Variants in NELL2 observed in about 807,000 individuals in gnomAD.
NELL2 encodes neural EGFL like 2, also known as protein kinase C-binding protein NELL2.
In NELL2, 41 loss-of-function variants were observed where a neutral mutation model predicts 109.6. The observed-to-expected ratio is 0.37, with a 90% CI of 0.29 to 0.49. The LOEUF (loss-of-function observed/expected upper bound fraction) is 0.49. NELL2 is among the 20% of genes least tolerant of loss of function. NELL2 has a pLI of 0.98. For synonymous variants in NELL2, 355 were observed against 344.7 expected (o/e 1.03, Z -0.33); for missense variants, 900 against 1,008.3 (o/e 0.89, Z 1.45).
At chr12:44,775,929 T>C in intron 8 of NELL2, 93 bp downstream of exon 8, 2 of 1,429,776 alleles carry the variant, frequency 1.4e-6, no homozygotes, top group Non-Finnish European at 1.9e-6. Flanking sequence ...AGGAAATGGG[T>C]CTTGAAATTT....
intron 9 of NELL2, among the ~76,000 whole-genome samples, chr12:44,737,835 A>G (rs1592429474): frequency 1.3e-5 from 2 of 152,182 alleles, no homozygotes; most frequent in South Asian, 4.1e-4. Context: ...TAAGGCCCTC[A>G]TGATCTAATT....
intron 11 of NELL2, among the ~76,000 whole-genome samples, chr12:44,705,501 G>C (rs1937823741): frequency 1.3e-5 from 2 of 152,078 alleles, no homozygotes; most frequent in Admixed American, 1.3e-4. Flanking sequence ...TTCTTAAGAA[G>C]AGCAAAAGTT....
rs199998135 is a variant in NELL2 at position 44,806,765 on chromosome 12, A to G, written c.335+9221T>C. ...TGCATTTGCATTTTTAAATGCATAC[A>G]TTAAAAAACTACAATATGAAAATCA... On this transcript the variant is annotated intron_variant, in intron 3 of 19. Coordinates refer to ENST00000429094, the MANE Select transcript of NELL2 (RefSeq NM_001145108.2). Among the ~76,000 whole-genome samples, 24 of 151,996 alleles carry G rather than the reference A, an allele frequency of 1.6e-4. No homozygotes were observed. In the East Asian group the frequency reaches 4.2e-3, roughly 27 times the overall value.
chr12:44,749,370 T>C (rs1940543527), intron 9 of NELL2, among the ~76,000 whole-genome samples: 1 of 152,182 alleles, frequency 6.6e-6, no homozygotes, highest in Non-Finnish European at 1.5e-5. Flanking sequence ...TGCAAATTTT[T>C]GTCACTACCT....
intron 13 of NELL2, among the ~76,000 whole-genome samples, chr12:44,631,735 A>C (rs1274804519): frequency 6.6e-6 from 1 of 152,144 alleles, no homozygotes; most frequent in African/African-American, 2.4e-5. Context: ...AATGATGAAT[A>C]GGTTAGTAAA....
rs543805478 is a variant in NELL2 at position 44,717,406 on chromosome 12, C to T, written c.995-2665G>A. The stretch of plus-strand genomic sequence containing the variant: ...TCTCCTAGGTACTGGAATTCAAAGA[C>T]GAATTTAATGTGCTTCATGCCTCAA... On this transcript the variant is annotated intron_variant, in intron 9 of 19. Transcript: ENST00000429094. Among the ~76,000 whole-genome samples the T allele has an allele frequency of 3.1e-4, 47 of 152,202 alleles. No individual in the cohort carries two copies. The South Asian group carries it at 4.4e-3, about 14-fold the overall frequency.
intron 3 of NELL2, among the ~76,000 whole-genome samples, chr12:44,799,428 T>A (rs1942753379): frequency 6.6e-6 from 1 of 152,054 alleles, no homozygotes; most frequent in Non-Finnish European, 1.5e-5. Flanking sequence ...ACTCAAAGGA[T>A]GTTAATGATA....
Position 44,630,555 on chromosome 12 carries a change from G to A in NELL2, c.1445-19585C>T, listed in dbSNP as rs562482367. The stretch of plus-strand genomic sequence containing the variant: ...CAGCCACATGGCCACACTGTGGATC[G>A]AATTAACAGAAGGCACTTTCCATAT... On this transcript the variant is annotated intron_variant, in intron 13 of 19. Coordinates refer to ENST00000429094, the MANE Select transcript of NELL2 (RefSeq NM_001145108.2). 1.2e-3 allele frequency among the ~76,000 whole-genome samples: 177 copies of A among 152,242 alleles called. 1 individual carries two copies. Among genetic ancestry groups the A allele is most frequent in the African/African-American group, 4.2e-3 (175 of 41,556 alleles).
intron 12 of NELL2, among the ~76,000 whole-genome samples, chr12:44,696,629 T>C (rs1290419140): frequency 6.6e-6 from 1 of 152,186 alleles, no homozygotes; most frequent in East Asian, 1.9e-4. Flanking sequence ...ACTCAATCCC[T>C]TTTTAGCTAC....
intron 3 of NELL2, among the ~76,000 whole-genome samples, chr12:44,793,225 TAAATTATTTAGA>T (rs1363449804): frequency 6.6e-6 from 1 of 152,154 alleles, no homozygotes; most frequent in Non-Finnish European, 1.5e-5. Flanking sequence ...GTCGAGAATA[TAAATTATTTAGA>T]AACTACAAAG....
chr12:44,550,813 A>C (rs540570813), intron 15 of NELL2, among the ~76,000 whole-genome samples: 118 of 152,298 alleles, frequency 7.7e-4, no homozygotes, highest in African/African-American at 2.8e-3. Flanking sequence ...AGTCTAAAAC[A>C]GCCAAACTCA....
At chr12:44,647,664 T>C (rs1468821853) in intron 13 of NELL2, among the ~76,000 whole-genome samples, 2 of 152,158 alleles carry the variant, frequency 1.3e-5, no homozygotes, top group African/African-American at 4.8e-5. Context: ...CACTTTCTAA[T>C]GAGAAGACAC....
At chr12:44,907,390 A>G (rs1370450628) in intron 1 of NELL2, among the ~76,000 whole-genome samples, 3 of 152,156 alleles carry the variant, frequency 2.0e-5, no homozygotes, top group Non-Finnish European at 1.5e-5. Context: ...ATAAGCTAGT[A>G]GATTAGGTGC....
chr12:44,840,677 T>G (rs1047900715), intron 2 of NELL2, among the ~76,000 whole-genome samples: 1 of 151,894 alleles, frequency 6.6e-6, no homozygotes, highest in Admixed American at 6.6e-5. Flanking sequence ...ATTGATTGGT[T>G]CTTAACAAAC....
rs150000406 is a variant in NELL2 at position 44,721,352 on chromosome 12, G to A, written c.995-6611C>T. Among the ~76,000 whole-genome samples, 7 of 152,234 alleles carry A rather than the reference G, an allele frequency of 4.6e-5. No individual in the cohort carries two copies. The East Asian group carries it at 1.4e-3, about 29-fold the overall frequency. Reference sequence around the variant, plus strand: ...TGAAAAATAAATTGAATGACTGGAGGTAAAGATTTAGAGGAAAATACAGTA... The same window carrying A: ...TGAAAAATAAATTGAATGACTGGAGATAAAGATTTAGAGGAAAATACAGTA... On this transcript the variant is annotated intron_variant, in intron 9 of 19. Coordinates refer to ENST00000429094, the MANE Select transcript of NELL2 (RefSeq NM_001145108.2).
chr12:44,689,311 T>C (rs765854293), intron 12 of NELL2, among the ~76,000 whole-genome samples: 4 of 152,164 alleles, frequency 2.6e-5, no homozygotes, highest in Non-Finnish European at 5.9e-5. Flanking sequence ...TTAGCTACAT[T>C]TTATATAATA....
intron 19 of NELL2, among the ~76,000 whole-genome samples, chr12:44,510,705 T>G (rs554349012): frequency 1.3e-5 from 2 of 152,292 alleles, no homozygotes; most frequent in African/African-American, 4.8e-5. Flanking sequence ...CTAGTGGCAT[T>G]TTAAAGTTTT....
At chr12:44,672,748 T>G (rs1293772238) in intron 12 of NELL2, among the ~76,000 whole-genome samples, 7 of 152,190 alleles carry the variant, frequency 4.6e-5, no homozygotes, top group Non-Finnish European at 1.0e-4. Context: ...GGTGGATAAT[T>G]TTATTTATAA....
chr12:44,616,719 T>G (rs368547228), intron 13 of NELL2, among the ~76,000 whole-genome samples: 1 of 152,168 alleles, frequency 6.6e-6, no homozygotes, highest in African/African-American at 2.4e-5. Context: ...TTTACCGATG[T>G]CCATCCATAA....
Sources: allele counts gnomAD v4.1 joint callset (sites outside exome capture counted in the v4.1 genomes callset), GRCh38; gene constraint gnomAD v4.1.1; transcripts MANE v1.5; gene names NCBI Gene and HGNC (gene_info 2026-07-23, HGNC 2026-07-21).